Variants in CDH18 observed in about 807,000 individuals in gnomAD.
CDH18 encodes the protein cadherin-18.
Under a neutral mutation model 67.9 loss-of-function variants are expected in CDH18, and 31 were observed. The ratio of observed to expected loss-of-function variants is 0.46; its 90% CI spans 0.34 to 0.62. The LOEUF (loss-of-function observed/expected upper bound fraction) is 0.62, where lower values mean the gene tolerates loss of function less well. Among genes scored for constraint, CDH18 ranks in the 20% least tolerant of loss-of-function variants. The pLI, the probability that CDH18 is intolerant of heterozygous loss-of-function variation, is 0.01. For synonymous variants in CDH18, 362 were observed against 347.2 expected, an observed-to-expected ratio of 1.04 and a Z score of -0.48; for missense variants, 890 against 975.5, an observed-to-expected ratio of 0.91 and a Z score of 1.17.
intron 6 of CDH18, among the ~76,000 whole-genome samples, chr5:19,606,000 G>T (rs1292991191): frequency 6.6e-6 from 1 of 152,130 alleles, no homozygotes; most frequent in Non-Finnish European, 1.5e-5. Flanking sequence ...AGTGCATCTG[G>T]AAGGCAAAGG....
intron 2 of CDH18, among the ~76,000 whole-genome samples, chr5:20,064,456 G>A (rs542729669): frequency 6.6e-6 from 1 of 152,232 alleles, no homozygotes; most frequent in East Asian, 1.9e-4. Context: ...TAGCTTCTTT[G>A]TGGAATGATG....
At chr5:19,754,853 A>G (rs1771318049) in intron 3 of CDH18, among the ~76,000 whole-genome samples, 1 of 152,192 alleles carries the variant, frequency 6.6e-6, no homozygotes, top group Non-Finnish European at 1.5e-5. Flanking sequence ...ATCAACTTCA[A>G]AAGGAACCTT....
At chr5:19,668,193 A>G (rs2150339208) in intron 5 of CDH18, among the ~76,000 whole-genome samples, 1 of 152,158 alleles carries the variant, frequency 6.6e-6, no homozygotes, top group South Asian at 2.1e-4. Context: ...ATTACATTTT[A>G]TTTTAACTAT....
chr5:20,349,761 G>A lies in CDH18; in HGVS notation c.-579-94256C>T, dbSNP rs568080039. Among the ~76,000 whole-genome samples the A allele has an allele frequency of 2.6e-5, 4 of 152,162 alleles. No homozygotes were observed. The South Asian group carries it at 8.3e-4, about 32-fold the overall frequency. On this transcript the variant is annotated intron_variant, in intron 1 of 14. Transcript: ENST00000507958. ...CAAAAGATAAGTCAGATTACATTTT[G>A]TCAGACCTAAGAAGAAATCATATTA...
At chr5:20,078,792 T>G (rs1233064862) in intron 2 of CDH18, among the ~76,000 whole-genome samples, 2 of 151,980 alleles carry the variant, frequency 1.3e-5, no homozygotes, top group African/African-American at 4.8e-5. Flanking sequence ...GTGTGTGTGT[T>G]TTTAGCAGAG....
At position 20,518,888 on chromosome 5, in the gene CDH18, G is replaced by A. The variant is rs987287324; in HGVS notation, c.-580+56574C>T. On this transcript the variant is annotated intron_variant, in intron 1 of 14. Coordinates refer to the CDH18 transcript ENST00000507958. The stretch of plus-strand genomic sequence containing the variant: ...GAAGGATAAAGATTAAATAGTTAAG[G>A]ATAACTTACAAGATGTACCAAGTGA... Among the ~76,000 whole-genome samples, 12 of 152,242 alleles carry A rather than the reference G, an allele frequency of 7.9e-5. No homozygotes were observed. In the East Asian group the frequency reaches 2.1e-3, roughly 27 times the overall value.
At chr5:20,043,206 C>T (rs1381877419) in intron 2 of CDH18, among the ~76,000 whole-genome samples, 1 of 151,972 alleles carries the variant, frequency 6.6e-6, no homozygotes, top group East Asian at 1.9e-4. Flanking sequence ...TGCCAAATGT[C>T]CCCTGGGAGA....
intron 5 of CDH18, among the ~76,000 whole-genome samples, chr5:19,679,342 A>C (rs1209584160): frequency 6.6e-6 from 1 of 152,000 alleles, no homozygotes; most frequent in Non-Finnish European, 1.5e-5. Flanking sequence ...TCCACAGCCA[A>C]CATCATATGG....
intron 2 of CDH18, among the ~76,000 whole-genome samples, chr5:19,956,782 T>C (rs1468823556): frequency 6.6e-6 from 1 of 151,926 alleles, no homozygotes; most frequent in Non-Finnish European, 1.5e-5. Context: ...GTTTTTAATT[T>C]ATCTTTTTCT....
intron 5 of CDH18, among the ~76,000 whole-genome samples, chr5:19,621,596 A>G (rs555023294): frequency 6.6e-6 from 1 of 152,288 alleles, no homozygotes; most frequent in East Asian, 1.9e-4. Flanking sequence ...GCATGATCTT[A>G]CTTATATGAG....
At chr5:19,869,938 T>G (rs552552135) in intron 2 of CDH18, among the ~76,000 whole-genome samples, 1 of 152,266 alleles carries the variant, frequency 6.6e-6, no homozygotes, top group South Asian at 2.1e-4. Context: ...GTTATACAAT[T>G]TTTAATGTTA....
At chr5:19,544,383 A>C (rs1735950817) in intron 8 of CDH18, among the ~76,000 whole-genome samples, 1 of 152,156 alleles carries the variant, frequency 6.6e-6, no homozygotes, top group Non-Finnish European at 1.5e-5. Flanking sequence ...TTATTCAAAA[A>C]AAATTAGAAT....
At chr5:19,715,891 A>T (rs1235778471) in intron 5 of CDH18, among the ~76,000 whole-genome samples, 1 of 147,418 alleles carries the variant, frequency 6.8e-6, no homozygotes, top group African/African-American at 2.5e-5. Flanking sequence ...ATCTTGGCTC[A>T]CTGCAACCTC....
chr5:19,999,337 C>T (rs1449739998), intron 2 of CDH18, among the ~76,000 whole-genome samples: 2 of 152,116 alleles, frequency 1.3e-5, no homozygotes, highest in African/African-American at 2.4e-5. Flanking sequence ...GGGTGACTCA[C>T]GCCTATGATC....
chr5:19,707,526 T>TAG (rs1228622881), intron 5 of CDH18, among the ~76,000 whole-genome samples: 3 of 152,192 alleles, frequency 2.0e-5, no homozygotes, highest in African/African-American at 7.2e-5. Context: ...CTACAGATGA[T>TAG]AGAGGCCCAT....
intron 1 of CDH18, among the ~76,000 whole-genome samples, chr5:20,359,214 A>G (rs1741890675): frequency 6.6e-6 from 1 of 152,064 alleles, no homozygotes; most frequent in Admixed American, 6.6e-5. Flanking sequence ...TACAAGTGTG[A>G]GCCACCATGC....
intron 4 of CDH18, among the ~76,000 whole-genome samples, chr5:19,727,417 G>A (rs955568271): frequency 2.0e-5 from 3 of 152,200 alleles, no homozygotes; most frequent in Non-Finnish European, 2.9e-5. Flanking sequence ...TCAGGGCGAT[G>A]TGGCTACAAG....
At position 20,423,109 on chromosome 5, in the gene CDH18, G is replaced by C. The variant is rs1418333988; in HGVS notation, c.-580+152353C>G. Among the ~76,000 whole-genome samples, 3 of 151,196 alleles carry C rather than the reference G, an allele frequency of 2.0e-5. 1 individual carries two copies. Among genetic ancestry groups the C allele is most frequent in the African/African-American group, 7.4e-5 (3 of 40,510 alleles). On this transcript the variant is annotated intron_variant, in intron 1 of 14. Transcript: ENST00000507958. The stretch of plus-strand genomic sequence containing the variant: ...GGTGATATTCCAAATGAAAAACGGA[G>C]AGAATGAATGGACGTCTGTGCACTG...
intron 2 of CDH18, among the ~76,000 whole-genome samples, chr5:20,137,200 C>G (rs1358056776): frequency 6.6e-6 from 1 of 152,156 alleles, no homozygotes; most frequent in Non-Finnish European, 1.5e-5. Flanking sequence ...TCCATTCTCC[C>G]TGTCACTTTC....
Sources: allele counts gnomAD v4.1 joint callset (sites outside exome capture counted in the v4.1 genomes callset), GRCh38; gene constraint gnomAD v4.1.1; transcripts MANE v1.5; gene names NCBI Gene and HGNC (gene_info 2026-07-23, HGNC 2026-07-21).